The following PHACTR3 variants were observed in gnomAD, a reference collection of about 807,000 sequenced individuals.
PHACTR3 encodes the protein phosphatase and actin regulator 3.
Under a neutral mutation model 66.8 loss-of-function variants are expected in PHACTR3, and 16 were observed. That is an observed-to-expected ratio of 0.24 (90% CI 0.16 to 0.36). The LOEUF (loss-of-function observed/expected upper bound fraction) is 0.36, where lower values mean the gene tolerates loss of function less well. Ranked by LOEUF, PHACTR3 falls within the 10% of genes least tolerant of loss-of-function variation. PHACTR3 has a pLI of 1.00. For missense variants in PHACTR3, 647 were observed against 719.9 expected (o/e 0.90, Z 1.16); for synonymous variants, 323 against 292.1 (o/e 1.11, Z -1.08).
In PHACTR3 at chr20:59,605,140, G is replaced by T; in HGVS notation, c.118+8G>T. The T allele has an allele frequency of 7.6e-7, 1 of 1,323,478 alleles. No individual in the cohort carries two copies. The highest frequency in any genetic ancestry group is 9.7e-7 in the Non-Finnish European group (1 of 1,032,266). The allele number at this position is 1,323,478 out of a possible 1,614,324, so 82.0% of individuals were successfully genotyped here. A position where few individuals can be genotyped will look rare whatever the true frequency, so the allele number is the denominator to read the frequency against. On this transcript the variant is annotated splice_region_variant and intron_variant, in intron 1 of 12. Transcript: ENST00000371015. The stretch of plus-strand genomic sequence containing the variant: ...ACGCCGGGGAGAACCCAGGTAACGG[G>T]CTGGGCGGGGGCGGCGGGCGGGTCG...
At chr20:59,611,714 G>A (rs2033853012) in intron 1 of PHACTR3, among the ~76,000 whole-genome samples, 1 of 152,120 alleles carries the variant, frequency 6.6e-6, no homozygotes, top group African/African-American at 2.4e-5. Flanking sequence ...TCCCTCTCCG[G>A]CCCCAGGTCC....
At chr20:59,812,502 G>A (rs1405859706) in intron 8 of PHACTR3, among the ~76,000 whole-genome samples, 1 of 152,198 alleles carries the variant, frequency 6.6e-6, no homozygotes, top group Non-Finnish European at 1.5e-5. Flanking sequence ...ATGTGCTTTA[G>A]GCAAGGCAGG....
At chr20:59,603,124 A>G (rs2033528603), upstream of PHACTR3, among the ~76,000 whole-genome samples, 3 of 152,210 alleles carry the variant, frequency 2.0e-5, no homozygotes, top group Non-Finnish European at 4.4e-5. Context: ...ATCTATTCCT[A>G]GCAGTTTCCC....
At chr20:59,638,576 C>T (rs368025782) in intron 1 of PHACTR3, among the ~76,000 whole-genome samples, 5 of 62,210 alleles carry the variant, frequency 8.0e-5, no homozygotes, top group Admixed American at 3.3e-4. Context: ...TGGGTGGGTG[C>T]GTGAGTGGAT....
At chr20:59,721,979 C>A (rs192940002) in intron 1 of PHACTR3, among the ~76,000 whole-genome samples, 38 of 152,182 alleles carry the variant, frequency 2.5e-4, no homozygotes, top group Non-Finnish European at 4.6e-4. Context: ...GCCTGTAATC[C>A]CAGCACTTTG....
intron 1 of PHACTR3, among the ~76,000 whole-genome samples, chr20:59,688,455 G>C (rs1013923399): frequency 6.6e-6 from 1 of 152,158 alleles, no homozygotes; most frequent in Non-Finnish European, 1.5e-5. Flanking sequence ...TATATTGTTA[G>C]TAGTACTGGG....
chr20:59,640,297 A>G (rs2035057568), intron 1 of PHACTR3, among the ~76,000 whole-genome samples: 1 of 152,176 alleles, frequency 6.6e-6, no homozygotes, highest in Admixed American at 6.5e-5. Context: ...CTGTCAAGGA[A>G]CTTTCTCTCT....
At chr20:59,748,260 G>A (rs2039445794) in intron 3 of PHACTR3, among the ~76,000 whole-genome samples, 2 of 152,236 alleles carry the variant, frequency 1.3e-5, no homozygotes, top group Middle Eastern at 3.4e-3. Flanking sequence ...CATGTAGGAA[G>A]CATTCAGGAC....
intron 1 of PHACTR3, among the ~76,000 whole-genome samples, chr20:59,656,230 G>A (rs2035614750): frequency 2.0e-5 from 3 of 151,786 alleles, no homozygotes; most frequent in Admixed American, 6.6e-5. Flanking sequence ...TTCTATTCAT[G>A]AGTGAAAGTG....
chr20:59,785,876 A>C (rs1985874), intron 7 of PHACTR3, among the ~76,000 whole-genome samples: 32 of 10,808 alleles, frequency 3.0e-3, no homozygotes, highest in Middle Eastern at 0.062. Flanking sequence ...TGCATCCCCT[A>C]CTTCATTTTG....
intron 3 of PHACTR3, among the ~76,000 whole-genome samples, chr20:59,752,388 C>G (rs187766594): frequency 3.9e-5 from 6 of 152,320 alleles, no homozygotes; most frequent in Middle Eastern, 3.4e-3. Flanking sequence ...AGTGGCCGGG[C>G]GGAGGCTGGC....
intron 1 of PHACTR3, among the ~76,000 whole-genome samples, chr20:59,589,554 G>A (rs1191739706): frequency 2.6e-5 from 4 of 152,196 alleles, no homozygotes; most frequent in Non-Finnish European, 5.9e-5. Context: ...CTTTTGAATG[G>A]TTACTCTGTA....
chr20:59,704,489 G>T (rs997012890), intron 1 of PHACTR3, among the ~76,000 whole-genome samples: 5 of 149,638 alleles, frequency 3.3e-5, no homozygotes, highest in African/African-American at 1.2e-4. Flanking sequence ...CATGGGAAAT[G>T]CATTTGAATG....
intron 1 of PHACTR3, among the ~76,000 whole-genome samples, chr20:59,637,552 A>G (rs920175053): frequency 6.6e-6 from 1 of 152,214 alleles, no homozygotes; most frequent in Non-Finnish European, 1.5e-5. Context: ...ATTCATGTCT[A>G]TAATGGATGC....
chr20:59,698,918 G>A (rs1010870399), intron 1 of PHACTR3, among the ~76,000 whole-genome samples: 6 of 152,146 alleles, frequency 3.9e-5, no homozygotes, highest in African/African-American at 1.2e-4. Flanking sequence ...TGAGCCACAG[G>A]ATGTTGAAAG....
intron 8 of PHACTR3, among the ~76,000 whole-genome samples, chr20:59,815,558 G>A (rs2041864657): frequency 6.6e-6 from 1 of 151,490 alleles, no homozygotes; most frequent in Non-Finnish European, 1.5e-5. Flanking sequence ...CCAATTAGCT[G>A]GGATTACAGG....
At chr20:59,725,256 G>A (rs2038520076) in intron 1 of PHACTR3, among the ~76,000 whole-genome samples, 1 of 152,028 alleles carries the variant, frequency 6.6e-6, no homozygotes, top group Admixed American at 6.5e-5. Flanking sequence ...TGTGAGCCCA[G>A]GTGTCCTGTG....
intron 7 of PHACTR3, among the ~76,000 whole-genome samples, chr20:59,791,028 G>A (rs994757634): frequency 5.3e-5 from 8 of 152,148 alleles, no homozygotes; most frequent in African/African-American, 2.4e-5. Flanking sequence ...CACCAGGGAG[G>A]TGAGGGTAGA....
At chr20:59,678,957 G>T (rs2146535311) in intron 1 of PHACTR3, among the ~76,000 whole-genome samples, 1 of 151,816 alleles carries the variant, frequency 6.6e-6, no homozygotes, top group East Asian at 1.9e-4. Flanking sequence ...TAGCAGGTCT[G>T]GGTGGGGTGG....
Sources: allele counts gnomAD v4.1 joint callset (sites outside exome capture counted in the v4.1 genomes callset), GRCh38; gene constraint gnomAD v4.1.1; transcripts MANE v1.5; gene names NCBI Gene and HGNC (gene_info 2026-07-23, HGNC 2026-07-21).